The following KBTBD2 variants were observed in gnomAD, a reference collection of about 807,000 sequenced individuals.
The protein encoded by KBTBD2 is kelch repeat and BTB domain containing 2, also known as kelch repeat and BTB domain-containing protein 2.
Under a neutral mutation model 57.1 loss-of-function variants are expected in KBTBD2, and 17 were observed. The ratio of observed to expected loss-of-function variants is 0.30; its 90% confidence interval spans 0.20 to 0.45. KBTBD2 has a LOEUF of 0.45. KBTBD2 is among the 20% of genes least tolerant of loss of function. The probability of loss-of-function intolerance (pLI) is 1.00; values close to 1 mark genes in which losing one functional copy is unlikely to be tolerated. For missense variants in KBTBD2, 515 were observed against 750.6 expected (o/e 0.69, Z 3.67); for synonymous variants, 267 against 262.7 (o/e 1.02, Z -0.16).
intron 1 of KBTBD2, among the ~76,000 whole-genome samples, chr7:32,889,590 T>A (rs909196597): frequency 8.3e-5 from 10 of 120,350 alleles, no homozygotes; most frequent in African/African-American, 3.8e-4. Flanking sequence ...GACAAGAGAC[T>A]CTGTCTCAAA....
intron 2 of KBTBD2, among the ~76,000 whole-genome samples, chr7:32,878,332 G>T (rs940350004): frequency 6.6e-6 from 1 of 152,118 alleles, no homozygotes; most frequent in Non-Finnish European, 1.5e-5. Context: ...TGTAATCCCA[G>T]CACTTCGGGA....
At chr7:32,884,927 A>G (rs1188925122) in intron 1 of KBTBD2, among the ~76,000 whole-genome samples, 1 of 148,168 alleles carries the variant, frequency 6.7e-6, no homozygotes, top group Non-Finnish European at 1.5e-5. Flanking sequence ...ACGCTGCTTT[A>G]TTTTTAAAAA....
At chr7:32,881,320 G>A (rs958181757) in intron 1 of KBTBD2, among the ~76,000 whole-genome samples, 33 of 151,330 alleles carry the variant, frequency 2.2e-4, no homozygotes, top group African/African-American at 8.0e-4. Flanking sequence ...ACAACACATG[G>A]CAAAGGAATT....
chr7:32,870,574 A>T lies in KBTBD2; in HGVS notation c.643T>A (p.Ser215Thr). 1 of 1,614,164 alleles carries T rather than the reference A, an allele frequency of 6.2e-7. No individual in the cohort carries two copies. The highest frequency in any genetic ancestry group is 8.5e-7 in the Non-Finnish European group (1 of 1,180,014). ...NTESRSQYLS[S>T]VLSQIRIDAL... ...TCAATTCTGATTTGGCTAAGAACAGAAGACAAATACTGGGATCGTGATTCT... is the reference window on the plus strand; with the variant it reads ...TCAATTCTGATTTGGCTAAGAACAGTAGACAAATACTGGGATCGTGATTCT... The change falls in exon 4 of 4, where the codon TCT becomes ACT. Residue 215 changes from serine (S) to threonine (T), a missense_variant. Physicochemically the swap from Ser to Thr is moderately conservative, Grantham distance 58 (BLOSUM62 1). Transcript: ENST00000304056.
In KBTBD2 at chr7:32,873,850, T is replaced by A. The variant is rs144835888; in HGVS notation, c.336+1142A>T. ...TTTTATTAACAGATTTACATTCCCA[T>A]CACAAAACTACTTAGTTTACTGGGT... On this transcript the variant is annotated intron_variant, in intron 3 of 3. Transcript: ENST00000304056. 1.4e-4 allele frequency among the ~76,000 whole-genome samples: 21 copies of A among 152,340 alleles called. No individual in the cohort carries two copies. In the East Asian group the frequency reaches 4.0e-3, roughly 29 times the overall value.
At chr7:32,877,689 T>C (rs1784346832) in intron 2 of KBTBD2, among the ~76,000 whole-genome samples, 1 of 152,226 alleles carries the variant, frequency 6.6e-6, no homozygotes, top group Non-Finnish European at 1.5e-5. Flanking sequence ...AAGATTTTAA[T>C]GATGGATGGC....
chr7:32,883,380 C>CT (rs1784490574), intron 1 of KBTBD2, among the ~76,000 whole-genome samples: 1 of 152,144 alleles, frequency 6.6e-6, no homozygotes, highest in Admixed American at 6.6e-5. Context: ...CAGCAAGACT[C>CT]TGTCTCACGA....
At chr7:32,882,893 G>A (rs1197230954) in intron 1 of KBTBD2, among the ~76,000 whole-genome samples, 2 of 152,170 alleles carry the variant, frequency 1.3e-5, no homozygotes, top group Non-Finnish European at 2.9e-5. Context: ...GCTGAGGCCA[G>A]GGAATCACCT....
chr7:32,878,233 A>G (rs1394353541), intron 2 of KBTBD2, among the ~76,000 whole-genome samples: 4 of 152,202 alleles, frequency 2.6e-5, no homozygotes, highest in Non-Finnish European at 5.9e-5. Flanking sequence ...ATACAAAGTC[A>G]GTCAGCCCTG....
chr7:32,878,626 C>T lies in KBTBD2; in HGVS notation c.170+809G>A, dbSNP rs145618702. On this transcript the variant is annotated intron_variant, in intron 2 of 3. Coordinates refer to ENST00000304056, the MANE Select transcript of KBTBD2 (RefSeq NM_015483.3). Reference sequence around the variant, plus strand: ...CAAAACAAAACAGCAACATCAAACTCACTAATGATTGCTGCTTATGTCTGT... The same window carrying T: ...CAAAACAAAACAGCAACATCAAACTTACTAATGATTGCTGCTTATGTCTGT... Among the ~76,000 whole-genome samples, 210 of 151,880 alleles carry T rather than the reference C, an allele frequency of 1.4e-3. 1 individual carries two copies. The highest frequency in any genetic ancestry group is 4.9e-3 in the African/African-American group (203 of 41,450).
rs942283157 is a variant in KBTBD2, at chr7:32,871,181, A to G, written c.337-301T>C. The stretch of plus-strand genomic sequence containing the variant: ...AAAGAATAGGTAAGGAAATTCACAC[A>G]TAAGTCATACTTTCCTAGACTTTAT... On this transcript the variant is annotated intron_variant, in intron 3 of 3. Transcript: ENST00000304056. 9.9e-5 allele frequency among the ~76,000 whole-genome samples: 15 copies of G among 152,262 alleles called. No homozygotes were observed. In the East Asian group the frequency reaches 2.1e-3, roughly 22 times the overall value.
Position 32,891,605 on chromosome 7 carries a change from G to GCGCGGCGGCGGGGGCGTGGCCCTCCCGC in KBTBD2, c.-436_-409dup, listed in dbSNP as rs1784745972. 1 of 149,920 alleles carries GCGCGGCGGCGGGGGCGTGGCCCTCCCGC rather than the reference G, an allele frequency of 6.7e-6. No homozygotes were observed. Among genetic ancestry groups the GCGCGGCGGCGGGGGCGTGGCCCTCCCGC allele is most frequent in the African/African-American group, 2.4e-5 (1 of 41,060 alleles). 9.3% of individuals were successfully genotyped at this position (149,920 alleles called of 1,614,324 possible). ...GCCCCGTCCACACTGGGCCCCTCCG[G>GCGCGGCGGCGGGGGCGTGGCCCTCCCGC]CGCGGCGGCGGGGGCGTGGCCCTCC... On this transcript the variant is annotated 5_prime_UTR_variant, in exon 1 of 4. Transcript: ENST00000304056.
At chr7:32,879,371 T>C in intron 2 of KBTBD2, 64 bp downstream of exon 2, 1 of 1,266,404 alleles carries the variant, frequency 7.9e-7, no homozygotes, top group Non-Finnish European at 1.1e-6. Flanking sequence ...AATTGAGATG[T>C]GGCTTTTTAA....
Position 32,869,697 on chromosome 7 carries a change from T to C in KBTBD2, c.1520A>G (p.Asn507Ser). The change falls in exon 4 of 4, where the codon AAT (asparagine) becomes AGT (serine). Residue 507 changes from asparagine (N) to serine (S), a missense_variant. Asn to Ser is a conservative substitution (Grantham distance 46, BLOSUM62 1). Coordinates refer to ENST00000304056, the MANE Select transcript of KBTBD2 (RefSeq NM_015483.3). ...VTVEIYDVNK[N>S]EWKMAANIPA... ...GATGTTGGCTGCCATTTTCCACTCA[T>C]TTTTATTCACATCATAAATTTCCAC... The C allele has an allele frequency of 6.2e-7, 1 of 1,614,128 alleles. No homozygotes were observed. Among genetic ancestry groups the C allele is most frequent in the Non-Finnish European group, 8.5e-7 (1 of 1,180,008 alleles).
At chr7:32,877,456 A>C (rs2127952210) in intron 2 of KBTBD2, among the ~76,000 whole-genome samples, 1 of 152,344 alleles carries the variant, frequency 6.6e-6, no homozygotes, top group Middle Eastern at 3.4e-3. Context: ...TAAAACTATT[A>C]TTCAGAGGTA....
Position 32,875,145 on chromosome 7 carries a change from C to T in KBTBD2, c.183G>A (p.Met61Ile). Residue 61 changes from methionine to isoleucine, a missense_variant, in exon 3 of 4, where the codon ATG becomes ATA. Transcript: ENST00000304056. ...TTTGTTTGCTTTCACTTAGTCCACT[C>T]ATAAACATGGCCCTACAGGGGAGAT... ...TCSSYFRAMF[M>I]SGLSESKQTH... 1 of 1,614,016 alleles carries T rather than the reference C, an allele frequency of 6.2e-7. No homozygotes were observed. The highest frequency in any genetic ancestry group is 8.5e-7 in the Non-Finnish European group (1 of 1,179,930).
chr7:32,891,965 C>G, upstream of KBTBD2: 1 of 136,064 alleles, frequency 7.3e-6, no homozygotes, highest in East Asian at 2.3e-4. Flanking sequence ...GGACCGCTGG[C>G]CAGCCTGCCG....
In KBTBD2 at chr7:32,868,631, C is replaced by T. The variant is rs139296538; in HGVS notation, c.*714G>A. 75 of 152,708 alleles carry T rather than the reference C, an allele frequency of 4.9e-4. No individual in the cohort carries two copies. Among genetic ancestry groups the T allele is most frequent in the African/African-American group, 1.6e-3 (67 of 41,546 alleles). 9.5% of individuals were successfully genotyped at this position (152,708 alleles called of 1,614,324 possible). A position where few individuals can be genotyped will look rare whatever the true frequency, so the allele number is the denominator to read the frequency against. On this transcript the variant is annotated 3_prime_UTR_variant, in exon 4 of 4. Transcript: ENST00000304056. ...GAGGCTTTTTCTGATTAAAGCTCCA[C>T]GCAGACCCGCACAATGAGTGGCTGG... is the stretch of plus-strand genomic sequence containing the variant.
intron 1 of KBTBD2, among the ~76,000 whole-genome samples, chr7:32,883,406 T>C (rs1053201324): frequency 1.3e-5 from 2 of 152,010 alleles, no homozygotes; most frequent in African/African-American, 2.4e-5. Context: ...AAAATAAAAA[T>C]GTGAAAATTT....
Sources: gnomAD v4.1 joint callset for allele counts (sites outside exome capture counted in the v4.1 genomes callset) on GRCh38, gnomAD v4.1.1 for gene constraint, MANE v1.5 for transcripts, NCBI Gene and HGNC (gene_info 2026-07-23, HGNC 2026-07-21) for gene names.